The following COL18A1 variants were observed in gnomAD, a reference collection of about 807,000 sequenced individuals.
COL18A1 encodes the protein collagen type XVIII alpha 1 chain, also known as collagen alpha-1(XVIII) chain.
A neutral mutation model predicts 168.0 loss-of-function variants in COL18A1; 133 were observed. That is an observed-to-expected ratio of 0.79 (90% CI 0.69 to 0.91). The LOEUF (loss-of-function observed/expected upper bound fraction) is 0.91. COL18A1 is among the 40% of genes least tolerant of loss of function. The pLI, the probability that COL18A1 is intolerant of heterozygous loss-of-function variation, is 0.00. For synonymous variants in COL18A1, 949 were observed against 809.0 expected (o/e 1.17, Z -2.94); for missense variants, 2,126 against 1,925.4 (o/e 1.10, Z -1.95).
intron 2 of COL18A1, among the ~76,000 whole-genome samples, chr21:45,454,790 C>T (rs1289889867): frequency 1.3e-5 from 2 of 152,346 alleles, no homozygotes; most frequent in South Asian, 2.1e-4. Context: ...CCAGTCTAAC[C>T]GGATCCTTTT....
chr21:45,448,601 A>G (rs1040661227), intron 2 of COL18A1, among the ~76,000 whole-genome samples: 3 of 152,214 alleles, frequency 2.0e-5, no homozygotes, highest in South Asian at 2.1e-4. Flanking sequence ...ATCTCCACAC[A>G]TTGCCCTGTA....
At position 45,423,020 on chromosome 21, in the gene COL18A1, G is replaced by A. The variant is rs1480460144; in HGVS notation, c.106+17547G>A. Among the ~76,000 whole-genome samples, 1 of 152,060 alleles carries A rather than the reference G, an allele frequency of 6.6e-6. No homozygotes were observed. Among genetic ancestry groups the A allele is most frequent in the Non-Finnish European group, 1.5e-5 (1 of 68,008 alleles). Reference sequence around the variant, plus strand: ...GTAGAGACAAGGTTTCTCCATGTTGGTCAGGCTGGTCTCTAACTCCCGACC... The same window carrying A: ...GTAGAGACAAGGTTTCTCCATGTTGATCAGGCTGGTCTCTAACTCCCGACC... On this transcript the variant is annotated intron_variant, in intron 2 of 41. Coordinates refer to ENST00000651438, the MANE Select transcript of COL18A1 (RefSeq NM_001379500.1). This position sits in a 1 kb window ranked among gnomAD's most constrained non-coding sequence, Gnocchi z 4.0.
intron 41 of COL18A1, among the ~76,000 whole-genome samples, chr21:45,511,790 T>A (rs2146146153): frequency 6.6e-6 from 1 of 152,146 alleles, no homozygotes; most frequent in East Asian, 1.9e-4. Context: ...CTGCCAAGGG[T>A]CTCTGACAGG....
intron 26 of COL18A1, chr21:45,494,131 G>A: frequency 2.7e-6 from 1 of 364,042 alleles, no homozygotes; most frequent in South Asian, 2.7e-5. Context: ...CCTCCGGGGT[G>A]TTTGGGGTGG....
intron 1 of COL18A1, 59 bp from the exon 2 acceptor site, chr21:45,405,320 C>CCTGCGGGGGTCCTGCGGGGGTCGCGG (rs1569270282): frequency 2.7e-6 from 1 of 375,826 alleles, no homozygotes; most frequent in African/African-American, 5.0e-5. Flanking sequence ...GGGGCTCGGC[C>CCTGCGGGGGTCCTGCGGGGGTCGCGG]GGGTCCTGCG....
chr21:45,491,674 C>T (rs2036359018), intron 22 of COL18A1, among the ~76,000 whole-genome samples: 1 of 152,236 alleles, frequency 6.6e-6, no homozygotes, highest in South Asian at 2.1e-4. Context: ...CCCTTGGCCC[C>T]TCTGGTGAAG....
chr21:45,494,953 G>A (rs1432439863), intron 28 of COL18A1, 38 bp downstream of exon 28: 5 of 1,580,950 alleles, frequency 3.2e-6, no homozygotes, highest in Non-Finnish European at 4.3e-6. Context: ...CGGCAGATGG[G>A]GTCTGGCAGG....
intron 32 of COL18A1, 195 bp from the exon 33 acceptor site, chr21:45,503,810 TAAAATA>T (rs550148570): frequency 4.6e-5 from 16 of 347,732 alleles, no homozygotes; most frequent in South Asian, 4.4e-4. Context: ...AATTTAAAAA[TAAAATA>T]AAAATAAAAA....
At chr21:45,455,463 G>A (rs1367453875) in intron 2 of COL18A1, 2 of 1,600,222 alleles carry the variant, frequency 1.2e-6, no homozygotes, top group Non-Finnish European at 8.5e-7. Flanking sequence ...GAGGGCGTGA[G>A]CCTGGCTAGC....
At chr21:45,497,186 C>T (rs1331364073) in intron 31 of COL18A1, 94 bp downstream of exon 31, 2 of 856,550 alleles carry the variant, frequency 2.3e-6, no homozygotes, top group Admixed American at 1.8e-5. Context: ...GTGAGACTCC[C>T]CCAGTGGCCC....
rs116618591 is a variant in COL18A1 at position 45,504,408 on chromosome 21, G to T, written c.2728-8G>T. 2 of 1,610,608 alleles carry T rather than the reference G, an allele frequency of 1.2e-6. No homozygotes were observed. Among genetic ancestry groups the T allele is most frequent in the African/African-American group, 1.3e-5 (1 of 74,862 alleles). ...GGGCTCCCGTGTAACAAGTGTTTCC[G>T]TCCACAGGGGGAGAAGGGAGACCGA... On this transcript the variant is annotated splice_region_variant and splice_polypyrimidine_tract_variant and intron_variant, in intron 33 of 41. Coordinates refer to ENST00000651438, the MANE Select transcript of COL18A1 (RefSeq NM_001379500.1).
At chr21:45,466,575 G>A (rs1232390281) in intron 2 of COL18A1, among the ~76,000 whole-genome samples, 3 of 152,208 alleles carry the variant, frequency 2.0e-5, no homozygotes, top group Non-Finnish European at 4.4e-5. Flanking sequence ...CCTGTACCTC[G>A]GGGAGTGGAG....
rs770965772 is a variant in COL18A1, at chr21:45,455,889, G to A, written c.107-12353G>A. The A allele has an allele frequency of 9.3e-6, 15 of 1,612,966 alleles. No individual in the cohort carries two copies. The highest frequency in any genetic ancestry group is 1.2e-5 in the Non-Finnish European group (14 of 1,180,028). On this transcript the variant is annotated intron_variant, in intron 2 of 41. Coordinates refer to ENST00000651438, the MANE Select transcript of COL18A1 (RefSeq NM_001379500.1). ...GCCGAGATCCTGAACGTGGCCAAAG[G>A]CATCCGGAGCTTCGTCCAGCTGTGG...
chr21:45,446,564 T>C (rs1390710490), intron 2 of COL18A1, among the ~76,000 whole-genome samples: 1 of 152,178 alleles, frequency 6.6e-6, no homozygotes, highest in Non-Finnish European at 1.5e-5. Flanking sequence ...CCAGCTAAAT[T>C]CTACCAAGCA....
intron 2 of COL18A1, among the ~76,000 whole-genome samples, chr21:45,438,366 T>A (rs1414719716): frequency 7.1e-6 from 1 of 141,208 alleles, no homozygotes; most frequent in Non-Finnish European, 1.5e-5. Context: ...ACAGGCACTC[T>A]CCTGCACACA....
chr21:45,452,559 C>G (rs934282934), intron 2 of COL18A1, among the ~76,000 whole-genome samples: 6 of 144,864 alleles, frequency 4.1e-5, no homozygotes, highest in Admixed American at 4.1e-4. Context: ...TGTGAGCATT[C>G]ATGTGACACA....
intron 19 of COL18A1, 149 bp downstream of exon 19, chr21:45,489,670 A>G (rs1336575379): frequency 6.3e-6 from 4 of 632,282 alleles, no homozygotes; most frequent in Non-Finnish European, 1.1e-5. Context: ...CTGGTTTCAA[A>G]GGCAACCCCC....
intron 26 of COL18A1, chr21:45,493,953 T>C: frequency 3.3e-6 from 1 of 303,320 alleles, no homozygotes; most frequent in Non-Finnish European, 6.3e-6. Context: ...CTGGGGGCCC[T>C]GATGCTGTGG....
intron 2 of COL18A1, among the ~76,000 whole-genome samples, chr21:45,426,266 G>C (rs1343668790): frequency 6.6e-6 from 1 of 152,092 alleles, no homozygotes; most frequent in Non-Finnish European, 1.5e-5. Flanking sequence ...CACCACACCT[G>C]GCTAATTTTT....
Sources: gnomAD v4.1 joint callset for allele counts (sites outside exome capture counted in the v4.1 genomes callset) on GRCh38, gnomAD v4.1.1 for gene constraint, Gnocchi (gnomAD v3.1) non-coding constraint, MANE v1.5 for transcripts, NCBI Gene and HGNC (gene_info 2026-07-23, HGNC 2026-07-21) for gene names.